CNTLN: variants seen among roughly 807,000 people sequenced by gnomAD.
CNTLN encodes the protein centlein, centrosomal protein.
A neutral mutation model predicts 180.0 loss-of-function variants in CNTLN; 212 were observed. The ratio of observed to expected loss-of-function variants is 1.18; its 90% CI spans 1.05 to 1.32. The LOEUF (loss-of-function observed/expected upper bound fraction) is 1.32. CNTLN is among the 40% of genes most tolerant of loss of function. CNTLN has a pLI of 0.00. For missense variants in CNTLN, 2,095 were observed against 1,610.9 expected (o/e 1.30, Z -5.14); for synonymous variants, 722 against 563.1 (o/e 1.28, Z -3.99).
At chr9:17,371,506 A>G (rs1385331009) in intron 13 of CNTLN, among the ~76,000 whole-genome samples, 1 of 152,164 alleles carries the variant, frequency 6.6e-6, no homozygotes, top group Admixed American at 6.5e-5. Flanking sequence ...TGTAGACCCT[A>G]ATTCAATGAT....
intron 23 of CNTLN, among the ~76,000 whole-genome samples, chr9:17,474,199 CT>C (rs1832202317): frequency 6.6e-6 from 1 of 152,236 alleles, no homozygotes; most frequent in South Asian, 2.1e-4. Context: ...ATTTTTAAAT[CT>C]TCCTGCCTAG....
At chr9:17,200,012 A>T (rs960392337) in intron 2 of CNTLN, among the ~76,000 whole-genome samples, 2 of 152,048 alleles carry the variant, frequency 1.3e-5, no homozygotes, top group Non-Finnish European at 2.9e-5. Context: ...GTTAATTTTT[A>T]TATAAAGTGT....
chr9:17,457,391 G>C (rs1831191916), intron 18 of CNTLN, 133 bp from the exon 19 acceptor site: 1 of 511,712 alleles, frequency 2.0e-6, no homozygotes, highest in East Asian at 4.5e-5. Flanking sequence ...TGTAAAGTTT[G>C]TATAATAACT....
intron 10 of CNTLN, among the ~76,000 whole-genome samples, chr9:17,334,959 A>G (rs956537466): frequency 1.3e-5 from 2 of 151,430 alleles, no homozygotes; most frequent in African/African-American, 2.4e-5. Context: ...CTAGAGAGCC[A>G]GGAGAGCTGA....
Position 17,462,947 on chromosome 9 carries a change from C to T in CNTLN, c.3338C>T (p.Ser1113Leu). 1 of 1,578,728 alleles carries T rather than the reference C, an allele frequency of 6.3e-7. No homozygotes were observed. Among genetic ancestry groups the T allele is most frequent in the Non-Finnish European group, 8.6e-7 (1 of 1,165,764 alleles). ...NATNELTKQS[S>L]NVKTLKFELL... The stretch of plus-strand genomic sequence containing the variant: ...ACTAATGAACTCACTAAACAGTCAT[C>T]AAATGTGAAGACTTTGAAATTTGAA... The change falls in exon 20 of 26, where the codon TCA becomes TTA. Residue 1113 changes from serine (S) to leucine (L), a missense_variant. Ser to Leu is a moderately radical substitution (Grantham distance 145). Coordinates refer to ENST00000380647, the MANE Select transcript of CNTLN (RefSeq NM_017738.4).
intron 3 of CNTLN, among the ~76,000 whole-genome samples, chr9:17,230,141 T>A (rs1287742125): frequency 1.3e-5 from 2 of 152,124 alleles, no homozygotes. Context: ...TTGGTTACAG[T>A]TTGGTGTTTG....
intron 6 of CNTLN, among the ~76,000 whole-genome samples, chr9:17,295,937 A>G (rs1817872069): frequency 6.6e-6 from 1 of 151,280 alleles, no homozygotes; most frequent in Admixed American, 6.6e-5. Flanking sequence ...TGCAAAGAGT[A>G]ATAATAGTAT....
chr9:17,397,489 A>G, intron 15 of CNTLN, among the ~76,000 whole-genome samples: 1 of 152,180 alleles, frequency 6.6e-6, no homozygotes, highest in African/African-American at 2.4e-5. Flanking sequence ...TGGTGGGAGA[A>G]TAGCAGCGAG....
chr9:17,171,180 TCATTTTGTTTTTTGGTGG>T lies in CNTLN; in HGVS notation c.449+27826_449+27843del, dbSNP rs375854031. On this transcript the variant is annotated intron_variant, in intron 2 of 25. Coordinates refer to ENST00000380647, the MANE Select transcript of CNTLN (RefSeq NM_017738.4). ...TTTGGGATTGGTTACTGGAAAATTG[TCATTTTGTTTTTTGGTGG>T]CATTTTGTTTTTTGGTGGCATCTTG... Among the ~76,000 whole-genome samples, 888 of 152,320 alleles carry T rather than the reference TCATTTTGTTTTTTGGTGG, an allele frequency of 5.8e-3. 5 individuals are homozygous for T. The highest frequency in any genetic ancestry group is 0.02 in the African/African-American group (843 of 41,568).
chr9:17,268,544 A>G (rs1827681270), intron 5 of CNTLN, among the ~76,000 whole-genome samples: 1 of 152,158 alleles, frequency 6.6e-6, no homozygotes, highest in South Asian at 2.1e-4. Flanking sequence ...GCGTGCTGCG[A>G]GAACCACTAC....
intron 13 of CNTLN, among the ~76,000 whole-genome samples, chr9:17,372,649 C>T (rs1409551093): frequency 6.6e-6 from 1 of 152,006 alleles, no homozygotes; most frequent in Admixed American, 6.5e-5. Flanking sequence ...AGCTTGATAC[C>T]AAAACCAGAC....
rs76883908 is a variant in CNTLN at position 17,221,831 on chromosome 9, A to T, written c.450-4372A>T. On this transcript the variant is annotated intron_variant, in intron 2 of 25. Transcript: ENST00000380647. ...TCAGCTGTTGGATACCCTTGCTTTCATATACCATTGAGAAAGTGGAAACTC... is the reference window on the plus strand; with the variant it reads ...TCAGCTGTTGGATACCCTTGCTTTCTTATACCATTGAGAAAGTGGAAACTC... Among the ~76,000 whole-genome samples, 864 of 152,124 alleles carry T rather than the reference A, an allele frequency of 5.7e-3. 9 individuals are homozygous for T. The highest frequency in any genetic ancestry group is 0.02 in the African/African-American group (829 of 41,540).
rs1309699809 is a variant in CNTLN, at chr9:17,216,605, A to G, written c.450-9598A>G. Among the ~76,000 whole-genome samples, 3 of 152,102 alleles carry G rather than the reference A, an allele frequency of 2.0e-5. No individual in the cohort carries two copies. The East Asian group carries it at 5.8e-4, about 29-fold the overall frequency. ...GTAAAGGAGAGATTGTCTTATTTTTATTTCTATTTCTTATTTTATTTCAAT... is the reference window on the plus strand; with the variant it reads ...GTAAAGGAGAGATTGTCTTATTTTTGTTTCTATTTCTTATTTTATTTCAAT... On this transcript the variant is annotated intron_variant, in intron 2 of 25. Coordinates refer to ENST00000380647, the MANE Select transcript of CNTLN (RefSeq NM_017738.4).
chr9:17,460,125 A>G (rs1831366043), intron 19 of CNTLN, among the ~76,000 whole-genome samples: 1 of 151,692 alleles, frequency 6.6e-6, no homozygotes, highest in Admixed American at 6.6e-5. Context: ...AATTTTACAT[A>G]TACTTTTCTG....
intron 6 of CNTLN, among the ~76,000 whole-genome samples, chr9:17,295,725 C>G (rs1013236502): frequency 1.3e-5 from 2 of 151,970 alleles, no homozygotes; most frequent in African/African-American, 4.8e-5. Flanking sequence ...GTGAGTTGTG[C>G]GAGCTTTGCT....
intron 6 of CNTLN, among the ~76,000 whole-genome samples, chr9:17,295,119 C>T (rs913258959): frequency 6.6e-6 from 1 of 151,124 alleles, no homozygotes; most frequent in Admixed American, 6.6e-5. Flanking sequence ...TGGCTGGCCG[C>T]TCTGAGTGCG....
chr9:17,477,895 A>G (rs1341492366), intron 23 of CNTLN, among the ~76,000 whole-genome samples: 2 of 152,224 alleles, frequency 1.3e-5, no homozygotes, highest in African/African-American at 4.8e-5. Flanking sequence ...CTGTGGTAAA[A>G]TGCTACTGAA....
intron 14 of CNTLN, among the ~76,000 whole-genome samples, chr9:17,389,820 A>G (rs926918686): frequency 8.5e-5 from 13 of 152,294 alleles, no homozygotes; most frequent in African/African-American, 3.1e-4. Flanking sequence ...CCACATTTAT[A>G]TATATTAAGA....
intron 7 of CNTLN, chr9:17,302,108 AC>A (rs1818406284): frequency 1.3e-6 from 1 of 757,452 alleles, no homozygotes; most frequent in African/African-American, 2.9e-5. Flanking sequence ...ACACACACAC[AC>A]ACACACACAC....
Sources: gnomAD v4.1 joint callset for allele counts (sites outside exome capture counted in the v4.1 genomes callset) on GRCh38, gnomAD v4.1.1 for gene constraint, MANE v1.5 for transcripts, NCBI Gene and HGNC (gene_info 2026-07-23, HGNC 2026-07-21) for gene names.